Variants in GGH observed in about 807,000 individuals in gnomAD.
The protein encoded by GGH is gamma-Glu-X carboxypeptidase.
GGH carries 18 observed loss-of-function variants against 39.2 expected under a neutral mutation model. The ratio of observed to expected loss-of-function variants is 0.46; its 90% CI spans 0.32 to 0.68. GGH has a LOEUF of 0.68. GGH is among the 30% of genes least tolerant of loss of function. GGH has a pLI of 0.04. For missense variants in GGH, 367 were observed against 384.1 expected, an observed-to-expected ratio of 0.96 and a Z score of 0.37; for synonymous variants, 147 against 138.8, an observed-to-expected ratio of 1.06 and a Z score of -0.42.
At chr8:63,019,509 T>A (rs1313857914) in intron 7 of GGH, among the ~76,000 whole-genome samples, 2 of 152,204 alleles carry the variant, frequency 1.3e-5, no homozygotes, top group African/African-American at 2.4e-5. Context: ...TTTACCAGTA[T>A]GAACCTGAAA....
At chr8:63,022,099 AT>A (rs138255951) in intron 7 of GGH, among the ~76,000 whole-genome samples, 10,862 of 149,786 alleles carry the variant, frequency 0.073, 435 homozygotes, top group South Asian at 0.17. Flanking sequence ...TCTCTGTGTA[AT>A]TTTTTTTTTA....
chr8:63,026,386 C>T, intron 4 of GGH, 90 bp from the exon 5 acceptor site: 1 of 893,382 alleles, frequency 1.1e-6, no homozygotes, highest in Non-Finnish European at 1.8e-6. Context: ...AAATAGGCAC[C>T]TGAGTTACAC....
At chr8:63,022,091 T>C (rs1029160809) in intron 7 of GGH, among the ~76,000 whole-genome samples, 1 of 151,404 alleles carries the variant, frequency 6.6e-6, no homozygotes, top group African/African-American at 2.4e-5. Context: ...TTTTTTCTTC[T>C]CTGTGTAATT....
chr8:63,030,486 G>T (rs115964378), intron 2 of GGH, among the ~76,000 whole-genome samples: 15,333 of 152,050 alleles, frequency 0.1, 976 homozygotes, highest in East Asian at 0.34. Context: ...TGCAAAAACA[G>T]TAAAGACCGT....
At chr8:63,036,899 C>T (rs1804919977) in intron 1 of GGH, among the ~76,000 whole-genome samples, 1 of 152,212 alleles carries the variant, frequency 6.6e-6, no homozygotes, top group South Asian at 2.1e-4. Context: ...GGTCCCTAAA[C>T]TTTAATAAAC....
At chr8:63,018,745 G>T (rs1249456418) in intron 7 of GGH, among the ~76,000 whole-genome samples, 1 of 152,104 alleles carries the variant, frequency 6.6e-6, no homozygotes, top group Non-Finnish European at 1.5e-5. Flanking sequence ...TTAATTGAAA[G>T]GCAGACCTTC....
At chr8:63,017,415 G>A in intron 8 of GGH, 78 bp downstream of exon 8, 1 of 863,178 alleles carries the variant, frequency 1.2e-6, no homozygotes, top group Non-Finnish European at 1.8e-6. Flanking sequence ...TAGAGCAAAA[G>A]GGTAGGCAAA....
At chr8:63,036,204 T>C (rs961163515) in intron 1 of GGH, among the ~76,000 whole-genome samples, 7 of 152,192 alleles carry the variant, frequency 4.6e-5, no homozygotes, top group African/African-American at 1.4e-4. Flanking sequence ...AAGCTATCAA[T>C]ATCTACCCTC....
At chr8:63,033,903 T>A (rs1804850522) in intron 2 of GGH, among the ~76,000 whole-genome samples, 1 of 151,362 alleles carries the variant, frequency 6.6e-6, no homozygotes, top group South Asian at 2.1e-4. Context: ...TTAATTCACT[T>A]GGGCCTCCAG....
At chr8:63,029,058 T>C (rs1051704120) in intron 3 of GGH, among the ~76,000 whole-genome samples, 4 of 152,182 alleles carry the variant, frequency 2.6e-5, no homozygotes, top group African/African-American at 9.7e-5. Flanking sequence ...TGAAGGCAAA[T>C]AATTTTCTAA....
At position 63,019,856 on chromosome 8, in the gene GGH, A is replaced by AT. The variant is rs1804553577; in HGVS notation, c.698-2227dup. On this transcript the variant is annotated intron_variant, in intron 7 of 8. Transcript: ENST00000260118. The stretch of plus-strand genomic sequence containing the variant: ...GTCCTGATTTGGCTCCTTCTGACTT[A>AT]TTCTTGTTTCCTAATCTTAAAAAAA... Among the ~76,000 whole-genome samples, 8 of 152,134 alleles carry AT rather than the reference A, an allele frequency of 5.3e-5. No homozygotes were observed. The South Asian group carries it at 1.7e-3, about 31-fold the overall frequency.
At chr8:63,027,732 A>T (rs1388310547) in intron 3 of GGH, among the ~76,000 whole-genome samples, 1 of 152,194 alleles carries the variant, frequency 6.6e-6, no homozygotes, top group Non-Finnish European at 1.5e-5. Flanking sequence ...TATTTAAGCT[A>T]GAATTAAATT....
intron 7 of GGH, among the ~76,000 whole-genome samples, chr8:63,022,426 C>T (rs945256202): frequency 3.3e-5 from 5 of 152,150 alleles, no homozygotes; most frequent in African/African-American, 1.2e-4. Flanking sequence ...TTTACATTTA[C>T]ATGTCTGGGT....
In GGH at chr8:63,015,229, GA is replaced by G; in HGVS notation, c.*102del. ...AAGAATCAGAGCCAGGCACATTATA[GA>G]AAAGAATCTGTGACTTCCTAATCTT... On this transcript the variant is annotated 3_prime_UTR_variant, in exon 9 of 9. Transcript: ENST00000260118. 1.7e-6 allele frequency: 1 copy of G among 602,288 alleles called. No individual in the cohort carries two copies. Among genetic ancestry groups the G allele is most frequent in the Non-Finnish European group, 2.9e-6 (1 of 348,616 alleles). 37.3% of individuals were successfully genotyped at this position (602,288 alleles called of 1,614,324 possible). A position where few individuals can be genotyped will look rare whatever the true frequency, so the allele number is the denominator to read the frequency against.
chr8:63,019,856 ATTC>A (rs1804555569), intron 7 of GGH, among the ~76,000 whole-genome samples: 1 of 152,134 alleles, frequency 6.6e-6, no homozygotes, highest in Non-Finnish European at 1.5e-5. Flanking sequence ...CTTCTGACTT[ATTC>A]TTGTTTCCTA....
At chr8:63,038,237 CA>C (rs1287654845) in intron 1 of GGH, among the ~76,000 whole-genome samples, 26 of 152,184 alleles carry the variant, frequency 1.7e-4, no homozygotes, top group Non-Finnish European at 2.8e-4. Context: ...TTTTCTATTA[CA>C]ATGCACTGGT....
intron 6 of GGH, 26 bp from the exon 7 acceptor site, chr8:63,024,023 G>C: frequency 6.5e-7 from 1 of 1,548,472 alleles, no homozygotes; most frequent in Non-Finnish European, 8.9e-7. Flanking sequence ...AAAACAAAAT[G>C]ATTACTTCTG....
intron 7 of GGH, among the ~76,000 whole-genome samples, chr8:63,021,816 G>A (rs1443080433): frequency 2.0e-5 from 3 of 151,876 alleles, no homozygotes; most frequent in Non-Finnish European, 4.4e-5. Flanking sequence ...TGGGATTACA[G>A]GCGTGCGCCA....
intron 1 of GGH, among the ~76,000 whole-genome samples, 193 bp downstream of exon 1, chr8:63,038,467 G>C (rs78367902): frequency 0.01 from 1,528 of 152,262 alleles, 9 homozygotes; most frequent in Middle Eastern, 0.021. Flanking sequence ...AGGAATGAAC[G>C]AGGTACCTCA....
Sources: gnomAD v4.1 joint callset for allele counts (sites outside exome capture counted in the v4.1 genomes callset) on GRCh38, gnomAD v4.1.1 for gene constraint, MANE v1.5 for transcripts, NCBI Gene and HGNC (gene_info 2026-07-23, HGNC 2026-07-21) for gene names.